Variants in OPN5 observed in about 807,000 individuals in gnomAD.
OPN5 encodes the protein opsin 5.
A neutral mutation model predicts 41.7 loss-of-function variants in OPN5; 18 were observed. That is an observed-to-expected ratio of 0.43 (90% CI 0.30 to 0.64). The LOEUF (loss-of-function observed/expected upper bound fraction) is 0.64. Ranked by LOEUF, OPN5 falls within the 30% of genes least tolerant of loss-of-function variation. The pLI is 0.13. For missense variants in OPN5, 318 were observed against 434.5 expected (o/e 0.73, Z 2.38); for synonymous variants, 178 against 164.3 (o/e 1.08, Z -0.64).
At chr6:47,797,233 T>C (rs571295513) in intron 4 of OPN5, among the ~76,000 whole-genome samples, 1 of 152,162 alleles carries the variant, frequency 6.6e-6, no homozygotes, top group African/African-American at 2.4e-5. Flanking sequence ...AAACTCTACA[T>C]GCCAAGTAGA....
downstream of OPN5, chr6:47,824,715 T>C (rs1443209091): frequency 2.6e-5 from 4 of 152,230 alleles, no homozygotes; most frequent in African/African-American, 4.8e-5. Context: ...TTCTTGAAAT[T>C]GAATTACTTC....
intron 4 of OPN5, among the ~76,000 whole-genome samples, chr6:47,801,972 C>T (rs1317711435): frequency 5.3e-5 from 8 of 152,234 alleles, no homozygotes; most frequent in Non-Finnish European, 8.8e-5. Flanking sequence ...TTGCCACTAG[C>T]TCCTTGAGAG....
chr6:47,788,960 G>T (rs1773282336), intron 2 of OPN5, among the ~76,000 whole-genome samples: 1 of 151,946 alleles, frequency 6.6e-6, no homozygotes. Flanking sequence ...CTAAAGTGCA[G>T]CCGGGTTCTG....
chr6:47,817,821 A>G (rs1762476751), intron 6 of OPN5, among the ~76,000 whole-genome samples: 1 of 152,102 alleles, frequency 6.6e-6, no homozygotes, highest in African/African-American at 2.4e-5. Flanking sequence ...GATACTGGGG[A>G]TCTGTGAGCG....
intron 1 of OPN5, among the ~76,000 whole-genome samples, chr6:47,785,342 T>G (rs966990250): frequency 1.3e-5 from 2 of 152,198 alleles, no homozygotes; most frequent in East Asian, 3.9e-4. Flanking sequence ...TTATGAAAGC[T>G]AAAGAGGTTT....
intron 4 of OPN5, among the ~76,000 whole-genome samples, chr6:47,805,154 A>T (rs915651849): frequency 2.6e-5 from 4 of 152,234 alleles, no homozygotes; most frequent in African/African-American, 9.6e-5. Context: ...TGAGGCATCC[A>T]TTCCATTTAC....
chr6:47,789,167 C>T (rs551439237), intron 2 of OPN5, among the ~76,000 whole-genome samples: 1 of 152,334 alleles, frequency 6.6e-6, no homozygotes, highest in East Asian at 1.9e-4. Context: ...ACACCCACCT[C>T]AAGCCTTTTA....
intron 6 of OPN5, among the ~76,000 whole-genome samples, chr6:47,817,469 G>A (rs112160043): frequency 0.012 from 1,897 of 152,074 alleles, 42 homozygotes; most frequent in African/African-American, 0.043. Context: ...GTTTAAACTC[G>A]TTAATGTCTG....
At chr6:47,811,182 G>A (rs1035455376) in intron 5 of OPN5, among the ~76,000 whole-genome samples, 4 of 152,140 alleles carry the variant, frequency 2.6e-5, no homozygotes, top group African/African-American at 4.8e-5. Flanking sequence ...GGCACTGGGG[G>A]TTCGAACATT....
exon 2 of OPN5, chr6:47,786,576 G>C: frequency 6.2e-7 from 1 of 1,611,004 alleles, no homozygotes; most frequent in Non-Finnish European, 8.5e-7. Context: ...GAAAGAAGAA[G>C]CTGAGACCCG....
chr6:47,787,054 TGACAGTTGAA>T (rs1364614616), intron 2 of OPN5: 6 of 988,900 alleles, frequency 6.1e-6, no homozygotes, highest in Middle Eastern at 5.2e-4. Context: ...GAAGGGTAAA[TGACAGTTGAA>T]GACAGTTGAA....
At chr6:47,792,591 G>T (rs973309222) in intron 3 of OPN5, among the ~76,000 whole-genome samples, 1 of 152,156 alleles carries the variant, frequency 6.6e-6, no homozygotes, top group Non-Finnish European at 1.5e-5. Flanking sequence ...GTTTTTTAAT[G>T]ATTAGACCAT....
intron 1 of OPN5, among the ~76,000 whole-genome samples, chr6:47,784,494 C>T (rs1005818743): frequency 1.3e-5 from 2 of 152,066 alleles, no homozygotes; most frequent in African/African-American, 2.4e-5. Context: ...GACGGGGTTT[C>T]GCCATGTTGG....
At chr6:47,810,364 G>A (rs114236399) in intron 5 of OPN5, among the ~76,000 whole-genome samples, 88 of 152,120 alleles carry the variant, frequency 5.8e-4, no homozygotes, top group African/African-American at 2.1e-3. Flanking sequence ...AGCCACCAGA[G>A]GTTTCTTTTT....
chr6:47,811,806 A>G lies in OPN5; in HGVS notation c.1056+75A>G, dbSNP rs1774215984. On this transcript the variant is annotated intron_variant, in intron 6 of 6. Coordinates refer to ENST00000371211, the Ensembl canonical transcript of OPN5. ...GCCTCTTCACTGCTGTAAACATTTG[A>G]TTGTGGCCACACTTTTGTCTTTATA... 3 of 912,208 alleles carry G rather than the reference A, an allele frequency of 3.3e-6. No individual in the cohort carries two copies. The South Asian group carries it at 4.5e-5, about 14-fold the overall frequency. 56.5% of individuals were successfully genotyped at this position (912,208 alleles called of 1,614,324 possible). A position where few individuals can be genotyped will look rare whatever the true frequency, so the allele number is the denominator to read the frequency against.
chr6:47,821,643 T>A (rs1762625879), intron 6 of OPN5, among the ~76,000 whole-genome samples: 1 of 152,264 alleles, frequency 6.6e-6, no homozygotes, highest in Non-Finnish European at 1.5e-5. Flanking sequence ...TTAAGATTTT[T>A]ATTTTAAATC....
At chr6:47,804,293 G>A (rs1250532555) in intron 4 of OPN5, among the ~76,000 whole-genome samples, 1 of 152,010 alleles carries the variant, frequency 6.6e-6, no homozygotes, top group African/African-American at 2.4e-5. Context: ...TAAAAAGGCA[G>A]TGATAAAAGT....
intron 2 of OPN5, among the ~76,000 whole-genome samples, chr6:47,791,599 G>A (rs933237516): frequency 1.3e-5 from 2 of 152,078 alleles, no homozygotes; most frequent in Non-Finnish European, 2.9e-5. Flanking sequence ...ATGACTGAAA[G>A]TCCTCTCTGG....
At chr6:47,813,002 A>G (rs1034947861) in intron 6 of OPN5, among the ~76,000 whole-genome samples, 1 of 152,104 alleles carries the variant, frequency 6.6e-6, no homozygotes, top group Non-Finnish European at 1.5e-5. Context: ...ATGAGGAATG[A>G]CTTGATGTGT....
Sources: gnomAD v4.1 joint callset for allele counts (sites outside exome capture counted in the v4.1 genomes callset) on GRCh38, gnomAD v4.1.1 for gene constraint, MANE v1.5 for transcripts, NCBI Gene and HGNC (gene_info 2026-07-23, HGNC 2026-07-21) for gene names.